Variants in CD300A observed in about 807,000 individuals in gnomAD.
CD300A encodes CD300a molecule.
CD300A carries 22 observed loss-of-function variants against 33.6 expected under a neutral mutation model. The observed-to-expected ratio is 0.66, with a 90% confidence interval of 0.47 to 0.94. The LOEUF is 0.94. Ranked by LOEUF, CD300A falls within the 40% of genes least tolerant of loss-of-function variation. The probability of loss-of-function intolerance (pLI) is 0.00; values close to 1 mark genes in which losing one functional copy is unlikely to be tolerated. For missense variants in CD300A, 326 were observed against 360.5 expected (o/e 0.90, Z 0.77); for synonymous variants, 136 against 148.1 (o/e 0.92, Z 0.59).
chr17:74,470,447 G>A lies in CD300A; in HGVS notation c.41-3089G>A, dbSNP rs185255924. On this transcript the variant is annotated intron_variant, in intron 1 of 6. Transcript: ENST00000360141. ...AGAGAGGGAGAAAGAAACTAAATCC[G>A]AAGGGAAGTCAGACACTGGAGGTAG... Among the ~76,000 whole-genome samples the A allele has an allele frequency of 2.4e-3, 372 of 152,144 alleles. 2 individuals carry two copies. The highest frequency in any genetic ancestry group is 8.8e-3 in the African/African-American group (364 of 41,500).
At chr17:74,469,588 G>A (rs1269127169) in intron 1 of CD300A, among the ~76,000 whole-genome samples, 1 of 152,202 alleles carries the variant, frequency 6.6e-6, no homozygotes, top group African/African-American at 2.4e-5. Context: ...ACTTTGGGAG[G>A]CCAAGGCGGG....
Position 74,466,677 on chromosome 17 carries a change from A to C in CD300A, c.-27A>C, listed in dbSNP as rs1329911690. The C allele has an allele frequency of 6.3e-7, 1 of 1,587,034 alleles. No individual in the cohort carries two copies. Among genetic ancestry groups the C allele is most frequent in the Non-Finnish European group, 8.6e-7 (1 of 1,166,188 alleles). On this transcript the variant is annotated 5_prime_UTR_variant, in exon 1 of 7. Coordinates refer to ENST00000360141, the MANE Select transcript of CD300A (RefSeq NM_007261.4). Reference sequence around the variant, plus strand: ...CCAGGTAGGGCCTGGAGCTGCTGCAAGTGCCGCCTGTGCTGGGGAAGGGAC... The same window carrying C: ...CCAGGTAGGGCCTGGAGCTGCTGCACGTGCCGCCTGTGCTGGGGAAGGGAC...
rs768243539 is a variant in CD300A, at chr17:74,483,991, C to T, written c.775-10C>T. 6.2e-7 allele frequency: 1 copy of T among 1,613,232 alleles called. No individual in the cohort carries two copies. Among genetic ancestry groups the T allele is most frequent in the South Asian group, 1.1e-5 (1 of 91,042 alleles). On this transcript the variant is annotated splice_polypyrimidine_tract_variant and intron_variant, in intron 6 of 6. Transcript: ENST00000360141. ...TCCCAAGTCTTCAGTTTCTTGGTTT[C>T]TCTCTGCAGGCCTCCCCCAGGGAAG...
At chr17:74,473,412 G>A in intron 1 of CD300A, 124 bp from the exon 2 acceptor site, 1 of 869,034 alleles carries the variant, frequency 1.2e-6, no homozygotes. Flanking sequence ...CTCCTGGGTG[G>A]ACAAGGCCTC....
intron 1 of CD300A, among the ~76,000 whole-genome samples, chr17:74,467,540 G>A (rs1356500990): frequency 6.6e-6 from 1 of 152,136 alleles, no homozygotes; most frequent in Admixed American, 6.5e-5. Flanking sequence ...GATTCCTCCC[G>A]CAGAGTCACC....
rs951713234 is a variant in CD300A, at chr17:74,479,236, CT to C, written c.628+1715del. Among the ~76,000 whole-genome samples, 96 of 151,090 alleles carry C rather than the reference CT, an allele frequency of 6.4e-4. 2 individuals carry two copies. Among genetic ancestry groups the C allele is most frequent in the South Asian group, 4.4e-3 (21 of 4,738 alleles). On this transcript the variant is annotated intron_variant, in intron 4 of 6. Coordinates refer to ENST00000360141, the MANE Select transcript of CD300A (RefSeq NM_007261.4). ...GCCTATGTAAATGCATCTATGATTTCTTTTTTTTTCTCTTTTTTGAGACAGA... is the reference window on the plus strand; with the variant it reads ...GCCTATGTAAATGCATCTATGATTTCTTTTTTTTCTCTTTTTTGAGACAGA...
chr17:74,482,705 T>C (rs71383056), intron 6 of CD300A, among the ~76,000 whole-genome samples: 11,724 of 110,638 alleles, frequency 0.11, 860 homozygotes, highest in East Asian at 0.22. Flanking sequence ...TTCCTTTCTT[T>C]CTTTCTTTCT....
chr17:74,468,191 T>A (rs554142049), intron 1 of CD300A, among the ~76,000 whole-genome samples: 1 of 151,606 alleles, frequency 6.6e-6, no homozygotes, highest in Non-Finnish European at 1.5e-5. Context: ...TGTACCACCA[T>A]GCCTGGTTAA....
intron 1 of CD300A, chr17:74,469,963 G>A: frequency 1.0e-6 from 1 of 985,390 alleles, no homozygotes; most frequent in Non-Finnish European, 1.2e-6. Flanking sequence ...AAGATGACCT[G>A]GTTCTTTCTG....
intron 6 of CD300A, among the ~76,000 whole-genome samples, chr17:74,482,890 A>T (rs1907004706): frequency 6.6e-6 from 1 of 151,380 alleles, no homozygotes; most frequent in South Asian, 2.1e-4. Flanking sequence ...TTGTATTTTT[A>T]GTAGAGACGG....
intron 4 of CD300A, 27 bp from the exon 5 acceptor site, chr17:74,481,262 A>G: frequency 6.2e-7 from 1 of 1,612,952 alleles, no homozygotes. Flanking sequence ...CCGGGATTCA[A>G]CCTCCTTCCT....
chr17:74,476,493 G>A (rs944939111), intron 3 of CD300A, among the ~76,000 whole-genome samples: 1 of 152,180 alleles, frequency 6.6e-6, no homozygotes, highest in African/African-American at 2.4e-5. Context: ...GGGCCTGAAG[G>A]TTGTGCAGTT....
At chr17:74,475,161 G>A (rs1567981103) in intron 3 of CD300A, among the ~76,000 whole-genome samples, 2 of 152,172 alleles carry the variant, frequency 1.3e-5, no homozygotes, top group Non-Finnish European at 2.9e-5. Flanking sequence ...TTACATGGCA[G>A]CAGGCAAGAC....
rs1485637898 is a variant in CD300A at position 74,474,618 on chromosome 17, C to G, written c.466C>G (p.Leu156Val). The G allele has an allele frequency of 6.2e-7, 1 of 1,613,970 alleles. No homozygotes were observed. The highest frequency in any genetic ancestry group is 1.3e-5 in the African/African-American group (1 of 74,944). ...TAFPPVSSTT[L>V]FAVGATHSAS... The stretch of plus-strand genomic sequence containing the variant: ...ATTTCCACCTGTATCATCCACTACC[C>G]TGTTTGCAGTGGGTGCCACCCACAG... The change falls in exon 3 of 7, where the codon CTG becomes GTG. Residue 156 changes from leucine (L) to valine (V), a missense_variant. Coordinates refer to ENST00000360141, the MANE Select transcript of CD300A (RefSeq NM_007261.4).
chr17:74,476,550 A>G (rs1906474800), intron 3 of CD300A, among the ~76,000 whole-genome samples: 1 of 152,148 alleles, frequency 6.6e-6, no homozygotes, highest in Non-Finnish European at 1.5e-5. Context: ...AGATGAGAAA[A>G]TTATGAATGC....
At chr17:74,467,181 G>A (rs1905773530) in intron 1 of CD300A, among the ~76,000 whole-genome samples, 1 of 135,620 alleles carries the variant, frequency 7.4e-6, no homozygotes, top group African/African-American at 2.8e-5. Flanking sequence ...GGGAGGGTGG[G>A]GGAGATGCCG....
In CD300A at chr17:74,466,645, C is replaced by A; in HGVS notation, c.-59C>A. Reference sequence around the variant, plus strand: ...GGGGCCTTGGAGGCGTGACTTTCCCCTCGGGTCCAGGTAGGGCCTGGAGCT... The same window carrying A: ...GGGGCCTTGGAGGCGTGACTTTCCCATCGGGTCCAGGTAGGGCCTGGAGCT... On this transcript the variant is annotated 5_prime_UTR_variant, in exon 1 of 7. Coordinates refer to ENST00000360141, the MANE Select transcript of CD300A (RefSeq NM_007261.4). 4 of 1,552,022 alleles carry A rather than the reference C, an allele frequency of 2.6e-6. No individual in the cohort carries two copies. Among genetic ancestry groups the A allele is most frequent in the Middle Eastern group, 1.7e-4 (1 of 5,978 alleles).
rs1287215844 is a variant in CD300A, at chr17:74,480,594, G to C, written c.629-695G>C. ...CACGGGGATGGGAGCAGAGGCCCCA[G>C]CAACTTCCCACAGTCTGATGCAGCC... is the stretch of plus-strand genomic sequence containing the variant. On this transcript the variant is annotated intron_variant, in intron 4 of 6. Transcript: ENST00000360141. This position sits in a 1 kb window ranked among gnomAD's most constrained non-coding sequence, Gnocchi z 4.2. Among the ~76,000 whole-genome samples, 1 of 152,188 alleles carries C rather than the reference G, an allele frequency of 6.6e-6. No homozygotes were observed. The highest frequency in any genetic ancestry group is 1.5e-5 in the Non-Finnish European group (1 of 68,024).
In CD300A at chr17:74,480,893, C is replaced by A. The variant is rs1465874624; in HGVS notation, c.629-396C>A. On this transcript the variant is annotated intron_variant, in intron 4 of 6. Coordinates refer to ENST00000360141, the MANE Select transcript of CD300A (RefSeq NM_007261.4). This position sits in a 1 kb window ranked among gnomAD's most constrained non-coding sequence, Gnocchi z 4.2. ...CTCCCAAGTAGCTGGGACTACAGGGCGTGTGCCACCATGCCCAGCTAATAT... is the reference window on the plus strand; with the variant it reads ...CTCCCAAGTAGCTGGGACTACAGGGAGTGTGCCACCATGCCCAGCTAATAT... Among the ~76,000 whole-genome samples the A allele has an allele frequency of 6.6e-6, 1 of 152,076 alleles. No homozygotes were observed. The highest frequency in any genetic ancestry group is 1.9e-4 in the East Asian group (1 of 5,182).
Sources: gnomAD v4.1 joint callset for allele counts (sites outside exome capture counted in the v4.1 genomes callset) on GRCh38, gnomAD v4.1.1 for gene constraint, Gnocchi (gnomAD v3.1) non-coding constraint, MANE v1.5 for transcripts, NCBI Gene and HGNC (gene_info 2026-07-23, HGNC 2026-07-21) for gene names.